ZMYND11: variants seen among roughly 807,000 people sequenced by gnomAD.
The protein encoded by ZMYND11 is zinc finger MYND-type containing 11, also known as zinc finger MYND domain-containing protein 11.
In ZMYND11, 9 loss-of-function variants were observed where a neutral mutation model predicts 84.9. That is an observed-to-expected ratio of 0.11 (90% CI 0.06 to 0.18). The LOEUF is 0.18. Among genes scored for constraint, ZMYND11 ranks in the 10% least tolerant of loss-of-function variants. ZMYND11 has a pLI of 1.00. For missense variants in ZMYND11, 409 were observed against 761.0 expected (o/e 0.54, Z 5.44); for synonymous variants, 250 against 244.1 (o/e 1.02, Z -0.23).
chr10:248,196 C>T (rs1032819746), intron 12 of ZMYND11, 140 bp from the exon 13 acceptor site: 15 of 1,049,788 alleles, frequency 1.4e-5, no homozygotes, highest in Middle Eastern at 3.1e-4. Context: ...TGACATCTAC[C>T]ACCCTAACTA....
At chr10:215,156 A>T (rs1945953370) in intron 3 of ZMYND11, among the ~76,000 whole-genome samples, 1 of 152,248 alleles carries the variant, frequency 6.6e-6, no homozygotes, top group Non-Finnish European at 1.5e-5. Context: ...CTCACATTTA[A>T]TAATTTAGTC....
chr10:240,942 G>A lies in ZMYND11; in HGVS notation c.803G>A (p.Arg268His), dbSNP rs1419669712. Residue 268 changes from arginine to histidine, a missense_variant, in exon 9 of 15, where the codon CGT becomes CAT. This residue lies in a region of ZMYND11 where 59 missense variants were observed against 151.0 expected (regional missense o/e 0.39). Transcript: ENST00000381604. ...CKNCFYLSNA[R>H]PDNWFCYPCI... The stretch of plus-strand genomic sequence containing the variant: ...AATTGCTTTTACTTGTCAAATGCTC[G>A]TCCTGACAACTGGTTCTGTTATCCT... 3 of 1,613,760 alleles carry A rather than the reference G, an allele frequency of 1.9e-6. No homozygotes were observed. Among genetic ancestry groups the A allele is most frequent in the Non-Finnish European group, 2.5e-6 (3 of 1,179,932 alleles).
At chr10:241,324 C>G (rs1589221693) in intron 9 of ZMYND11, among the ~76,000 whole-genome samples, 1 of 152,060 alleles carries the variant, frequency 6.6e-6, no homozygotes, top group South Asian at 2.1e-4. Flanking sequence ...ACCACAGGCA[C>G]ACGCCACCAC....
chr10:174,997 A>G (rs1554766621), intron 1 of ZMYND11, among the ~76,000 whole-genome samples: 1 of 152,224 alleles, frequency 6.6e-6, no homozygotes. Flanking sequence ...TACGTTGGTC[A>G]GAACCCATGG....
At chr10:136,499 G>T (rs1836108027) in intron 1 of ZMYND11, among the ~76,000 whole-genome samples, 1 of 152,064 alleles carries the variant, frequency 6.6e-6, no homozygotes, top group Admixed American at 6.5e-5. Flanking sequence ...GTGTCGTACC[G>T]GCTATCATAC....
intron 2 of ZMYND11, among the ~76,000 whole-genome samples, chr10:183,422 C>A (rs993970961): frequency 6.6e-6 from 1 of 152,040 alleles, no homozygotes; most frequent in African/African-American, 2.4e-5. Flanking sequence ...GTATGTTCTA[C>A]CATCAGGACA....
At chr10:146,583 C>G (rs572381186) in intron 1 of ZMYND11, among the ~76,000 whole-genome samples, 54 of 152,190 alleles carry the variant, frequency 3.5e-4, no homozygotes, top group Admixed American at 7.8e-4. Flanking sequence ...AATCTTTCAC[C>G]TCCTCTGTTC....
At chr10:223,030 CTCT>C (rs1301226982) in intron 4 of ZMYND11, among the ~76,000 whole-genome samples, 3 of 26,686 alleles carry the variant, frequency 1.1e-4, no homozygotes, top group East Asian at 3.2e-3. Flanking sequence ...GTTTCCTTTA[CTCT>C]TTTTTTTTTT....
At chr10:166,357 A>G (rs1844020705) in intron 1 of ZMYND11, among the ~76,000 whole-genome samples, 1 of 152,132 alleles carries the variant, frequency 6.6e-6, no homozygotes. Context: ...CTGATACTGG[A>G]TTGGTATCTA....
chr10:240,228 G>A (rs916377700), intron 8 of ZMYND11, 117 bp downstream of exon 8: 85 of 875,766 alleles, frequency 9.7e-5, no homozygotes, highest in Non-Finnish European at 1.3e-4. Context: ...TTTTATTGCC[G>A]GGCGTGGGGG....
At chr10:157,998 A>G (rs554598082) in intron 1 of ZMYND11, among the ~76,000 whole-genome samples, 5 of 152,192 alleles carry the variant, frequency 3.3e-5, no homozygotes, top group Non-Finnish European at 5.9e-5. Context: ...TTCACTTAGA[A>G]TGTTTTCGAG....
At chr10:225,581 C>T (rs1006681757) in intron 4 of ZMYND11, among the ~76,000 whole-genome samples, 6 of 152,150 alleles carry the variant, frequency 3.9e-5, no homozygotes, top group African/African-American at 1.4e-4. Flanking sequence ...TTCCAGAGTT[C>T]GAGTGACCCT....
intron 1 of ZMYND11, among the ~76,000 whole-genome samples, chr10:165,611 C>G (rs368304801): frequency 3.9e-5 from 6 of 152,248 alleles, no homozygotes; most frequent in African/African-American, 1.4e-4. Flanking sequence ...GAAAACACCC[C>G]AGTGTAACAC....
chr10:177,498 C>A (rs937814889), intron 1 of ZMYND11, among the ~76,000 whole-genome samples: 2 of 152,060 alleles, frequency 1.3e-5, no homozygotes, highest in African/African-American at 4.8e-5. Context: ...ATTCTTTAAT[C>A]TTGATTTTAA....
intron 4 of ZMYND11, among the ~76,000 whole-genome samples, chr10:229,734 G>C (rs1948686799): frequency 6.6e-6 from 1 of 152,188 alleles, no homozygotes. Flanking sequence ...TGGGCTACTT[G>C]AGTCTTAGTG....
chr10:172,717 A>C (rs141405766), intron 1 of ZMYND11, among the ~76,000 whole-genome samples: 2,999 of 152,310 alleles, frequency 0.02, 94 homozygotes, highest in African/African-American at 0.068. Flanking sequence ...AATCCCAGCA[A>C]GTTATTTCAT....
chr10:134,174 A>C (rs1313751060), upstream of ZMYND11, among the ~76,000 whole-genome samples: 5 of 152,210 alleles, frequency 3.3e-5, no homozygotes, highest in Non-Finnish European at 7.3e-5. Flanking sequence ...AGTCAGGCAC[A>C]ATGAGAGATT....
In ZMYND11 at chr10:221,350, T is replaced by A. The variant is rs2131419813; in HGVS notation, c.432T>A (p.Val144=). 2 of 1,613,424 alleles carry A rather than the reference T, an allele frequency of 1.2e-6. No individual in the cohort carries two copies. Among genetic ancestry groups the A allele is most frequent in the East Asian group, 4.5e-5 (2 of 44,858 alleles). ...GCAGTAGTCCCTGGCAGTGCCCAGT[T>A]TGCAGGGTGAGTACCTATGAGCTTT... ...RDSSSPWQCP[V]CRSIKKKNTN... Residue 144 remains valine (V), a synonymous_variant, in exon 4 of 15, where the codon GTT becomes GTA. Transcript: ENST00000381604.
chr10:180,795 G>C (rs571031652), intron 2 of ZMYND11, among the ~76,000 whole-genome samples: 4 of 152,272 alleles, frequency 2.6e-5, no homozygotes, highest in South Asian at 4.2e-4. Flanking sequence ...TTTAACATAG[G>C]ATAGGCATGG....
Sources: gnomAD v4.1 joint callset for allele counts (sites outside exome capture counted in the v4.1 genomes callset) on GRCh38, gnomAD v4.1.1 for gene constraint, gnomAD v4.1.1 regional missense constraint, MANE v1.5 for transcripts, NCBI Gene and HGNC (gene_info 2026-07-23, HGNC 2026-07-21) for gene names.